DGKI: variants seen among roughly 807,000 people sequenced by gnomAD.
DGKI encodes DAG kinase iota.
A neutral mutation model predicts 147.5 loss-of-function variants in DGKI; 55 were observed. That is an observed-to-expected ratio of 0.37 (90% confidence interval 0.30 to 0.47). The LOEUF is 0.47. Ranked by LOEUF, DGKI falls within the 20% of genes least tolerant of loss-of-function variation. DGKI has a pLI of 1.00. For missense variants in DGKI, 1,007 were observed against 1,323.8 expected, an observed-to-expected ratio of 0.76 and a Z score of 3.71; for synonymous variants, 469 against 477.1, an observed-to-expected ratio of 0.98 and a Z score of 0.22.
chr7:137,410,876 T>C (rs1264162959), intron 29 of DGKI, among the ~76,000 whole-genome samples: 1 of 152,240 alleles, frequency 6.6e-6, no homozygotes, highest in Non-Finnish European at 1.5e-5. Flanking sequence ...ATCAATATAC[T>C]GCTTGGAGAG....
chr7:137,659,079 A>T (rs920145575), intron 3 of DGKI, among the ~76,000 whole-genome samples: 5 of 152,212 alleles, frequency 3.3e-5, no homozygotes, highest in Admixed American at 3.3e-4. Flanking sequence ...GATGCACTGT[A>T]CAAAGAACAG....
In DGKI at chr7:137,571,169, G is replaced by A; in HGVS notation, c.1947+6C>T. Reference sequence around the variant, plus strand: ...TTCATTTTAATAAAACAGTTATATTGCTCACCAAAGAGGCCATGGTAAATC... The same window carrying A: ...TTCATTTTAATAAAACAGTTATATTACTCACCAAAGAGGCCATGGTAAATC... On this transcript the variant is annotated splice_donor_region_variant and intron_variant, in intron 19 of 32. Transcript: ENST00000614521. 1 of 1,580,598 alleles carries A rather than the reference G, an allele frequency of 6.3e-7. No homozygotes were observed. Among genetic ancestry groups the A allele is most frequent in the South Asian group, 1.2e-5 (1 of 85,994 alleles).
chr7:137,712,390 C>T (rs981724580), intron 1 of DGKI, among the ~76,000 whole-genome samples: 3 of 152,124 alleles, frequency 2.0e-5, no homozygotes, highest in African/African-American at 7.2e-5. Context: ...ACATTTAGAA[C>T]ATTTCATGTT....
At chr7:137,798,392 A>G (rs1797098506) in intron 1 of DGKI, among the ~76,000 whole-genome samples, 1 of 152,132 alleles carries the variant, frequency 6.6e-6, no homozygotes, top group Non-Finnish European at 1.5e-5. Context: ...CGCAAAAAAG[A>G]AAAGAGCAGG....
chr7:137,590,221 G>C (rs949789333), intron 12 of DGKI, among the ~76,000 whole-genome samples: 1 of 152,186 alleles, frequency 6.6e-6, no homozygotes, highest in Non-Finnish European at 1.5e-5. Flanking sequence ...CCTGGAGCAC[G>C]GCTCTTTCAT....
intron 6 of DGKI, among the ~76,000 whole-genome samples, chr7:137,638,911 A>C (rs1370727961): frequency 6.6e-6 from 1 of 151,904 alleles, no homozygotes; most frequent in African/African-American, 2.4e-5. Flanking sequence ...ATTTGTACAT[A>C]GTCTATAATT....
At chr7:137,774,218 G>C (rs960916106) in intron 1 of DGKI, among the ~76,000 whole-genome samples, 1 of 151,956 alleles carries the variant, frequency 6.6e-6, no homozygotes, top group African/African-American at 2.4e-5. Flanking sequence ...GTCATAATTA[G>C]AGCAACATGA....
intron 21 of DGKI, chr7:137,493,866 G>A: frequency 1.5e-6 from 1 of 682,490 alleles, no homozygotes; most frequent in Non-Finnish European, 2.7e-6. Context: ...ATCAGAATAT[G>A]GACAGGAATG....
chr7:137,420,165 T>C (rs989005484), intron 28 of DGKI, among the ~76,000 whole-genome samples: 1 of 152,214 alleles, frequency 6.6e-6, no homozygotes, highest in Non-Finnish European at 1.5e-5. Flanking sequence ...GTGTGCTTCT[T>C]GGGCTTTCTT....
At chr7:137,722,346 T>C (rs1794588650) in intron 1 of DGKI, 4 of 1,612,696 alleles carry the variant, frequency 2.5e-6, no homozygotes, top group African/African-American at 1.3e-5. Flanking sequence ...CTACTGAAGA[T>C]GTGCCTCGAA....
At position 137,846,782 on chromosome 7, in the gene DGKI, G is replaced by A. The variant is rs1205368920; in HGVS notation, c.81C>T (p.Ala27=). Residue 27 remains alanine (A), a synonymous_variant, in exon 1 of 33, where the codon GCC becomes GCT. Transcript: ENST00000614521. The surrounding 1 kb of genome is among the most constrained non-coding windows in gnomAD (Gnocchi z 4.0). ...GGCCGGGCGGGCTGGCGGCGGCGGC[G>A]GCGGCGGCTGCAGGAGCGCGGGCAG... ...RGPARAPAAA[A]AAAASPPGPC... 8.3e-6 allele frequency: 9 copies of A among 1,086,982 alleles called. No individual in the cohort carries two copies. The highest frequency in any genetic ancestry group is 8.9e-6 in the Non-Finnish European group (8 of 896,576). The allele number at this position is 1,086,982 out of a possible 1,614,324, so 67.3% of individuals were successfully genotyped here. A position where few individuals can be genotyped will look rare whatever the true frequency, so the allele number is the denominator to read the frequency against.
intron 1 of DGKI, among the ~76,000 whole-genome samples, chr7:137,723,635 T>C (rs1030225950): frequency 1.3e-5 from 2 of 150,544 alleles, no homozygotes; most frequent in East Asian, 1.9e-4. Context: ...ATGACAGCAG[T>C]GATGAAGAAC....
intron 7 of DGKI, among the ~76,000 whole-genome samples, chr7:137,621,627 C>T (rs959291766): frequency 6.6e-6 from 1 of 152,174 alleles, no homozygotes; most frequent in Non-Finnish European, 1.5e-5. Context: ...ACAAAAATCA[C>T]CTTCTACAAG....
At chr7:137,740,166 T>C (rs1025409056) in intron 1 of DGKI, among the ~76,000 whole-genome samples, 1 of 152,344 alleles carries the variant, frequency 6.6e-6, no homozygotes, top group Middle Eastern at 3.4e-3. Flanking sequence ...ATTCCATTTA[T>C]GCAACCTTGA....
chr7:137,846,398 TG>T lies in DGKI; in HGVS notation c.401+63del, dbSNP rs869179206. Reference sequence around the variant, plus strand: ...CCAACTCCGCGGAAGCGCCCCTTGCTGGGTAGAAGAGTGGGTCTCCCGCCGC... The same window carrying T: ...CCAACTCCGCGGAAGCGCCCCTTGCTGGTAGAAGAGTGGGTCTCCCGCCGC... On this transcript the variant is annotated intron_variant, in intron 1 of 32. Coordinates refer to ENST00000614521, the MANE Select transcript of DGKI (RefSeq NM_001321708.2). The surrounding 1 kb of genome is among the most constrained non-coding windows in gnomAD (Gnocchi z 4.0). The T allele has an allele frequency of 3.6e-5, 41 of 1,139,626 alleles. 1 individual carries two copies. Among genetic ancestry groups the T allele is most frequent in the South Asian group, 3.3e-4 (25 of 76,256 alleles). 70.6% of individuals were successfully genotyped at this position (1,139,626 alleles called of 1,614,324 possible).
intron 1 of DGKI, among the ~76,000 whole-genome samples, chr7:137,767,620 C>T (rs1322218916): frequency 6.6e-6 from 1 of 152,054 alleles, no homozygotes; most frequent in Non-Finnish European, 1.5e-5. Flanking sequence ...TAATAATATA[C>T]ATGTGGCTCC....
intron 21 of DGKI, among the ~76,000 whole-genome samples, chr7:137,519,858 T>C (rs1489097037): frequency 1.3e-5 from 2 of 152,088 alleles, no homozygotes; most frequent in African/African-American, 4.8e-5. Context: ...CCAATTCTTT[T>C]ATTGTTTTCT....
rs1798762784 is a variant in DGKI, at chr7:137,846,960, G to GCGCCGGCCCGCACCCTCCAGCCC, written c.-99_-98insGGGCTGGAGGGTGCGGGCCGGCG. On this transcript the variant is annotated 5_prime_UTR_variant, in exon 1 of 33. Transcript: ENST00000614521. The surrounding 1 kb of genome is among the most constrained non-coding windows in gnomAD (Gnocchi z 4.0). ...CGCTCCCCGCCTCCCGCGCCCTCCC[G>GCGCCGGCCCGCACCCTCCAGCCC]CGCCGGCCCGCACCCTCCAGCCCCG... The GCGCCGGCCCGCACCCTCCAGCCC allele has an allele frequency of 1.1e-6, 1 of 930,908 alleles. No homozygotes were observed. Among genetic ancestry groups the GCGCCGGCCCGCACCCTCCAGCCC allele is most frequent in the Non-Finnish European group, 1.3e-6 (1 of 770,810 alleles). 57.7% of individuals were successfully genotyped at this position (930,908 alleles called of 1,614,324 possible). A position where few individuals can be genotyped will look rare whatever the true frequency, so the allele number is the denominator to read the frequency against.
intron 12 of DGKI, among the ~76,000 whole-genome samples, chr7:137,589,253 C>G (rs1340647505): frequency 6.6e-6 from 1 of 152,204 alleles, no homozygotes; most frequent in Non-Finnish European, 1.5e-5. Flanking sequence ...CTCCTGACTT[C>G]CAACTAAAAT....
Sources: allele counts gnomAD v4.1 joint callset (sites outside exome capture counted in the v4.1 genomes callset), GRCh38; gene constraint gnomAD v4.1.1; non-coding constraint Gnocchi (gnomAD v3.1); transcripts MANE v1.5; gene names NCBI Gene and HGNC (gene_info 2026-07-23, HGNC 2026-07-21).